The following COL8A2 variants were observed in gnomAD, a reference collection of about 807,000 sequenced individuals.
COL8A2 encodes the protein collagen alpha-2(VIII) chain.
A neutral mutation model predicts 24.0 loss-of-function variants in COL8A2; 16 were observed. The ratio of observed to expected loss-of-function variants is 0.67; its 90% CI spans 0.45 to 1.01. COL8A2 has a LOEUF of 1.01. Among genes scored for constraint, COL8A2 ranks in the 50% least tolerant of loss-of-function variants. COL8A2 has a pLI of 0.00. For missense variants in COL8A2, 818 were observed against 942.4 expected (o/e 0.87, Z 1.73); for synonymous variants, 466 against 424.5 (o/e 1.10, Z -1.20).
In COL8A2 at chr1:36,115,663, T is replaced by C. The variant is rs918234592; in HGVS notation, c.-17+45A>G. 64 of 972,112 alleles carry C rather than the reference T, an allele frequency of 6.6e-5. No homozygotes were observed. In the African/African-American group the frequency reaches 6.7e-4, roughly 10 times the overall value. The allele number at this position is 972,112 out of a possible 1,614,324, so 60.2% of individuals were successfully genotyped here. A position where few individuals can be genotyped will look rare whatever the true frequency, so the allele number is the denominator to read the frequency against. On this transcript the variant is annotated intron_variant, in intron 2 of 3. Transcript: ENST00000397799. The surrounding 1 kb of genome is among the most constrained non-coding windows in gnomAD (Gnocchi z 5.7). The stretch of plus-strand genomic sequence containing the variant: ...TAGACAGCAATGAACACAGGCCTCA[T>C]CTGGCCTGAGATATCAGAAAACCCC...
rs1210118721 is a variant in COL8A2, at chr1:36,099,507, G to A, written c.194-20C>T. 6.7e-7 allele frequency: 1 copy of A among 1,497,620 alleles called. No individual in the cohort carries two copies. The highest frequency in any genetic ancestry group is 9.0e-7 in the Non-Finnish European group (1 of 1,111,752). 92.8% of individuals were successfully genotyped at this position (1,497,620 alleles called of 1,614,324 possible). On this transcript the variant is annotated intron_variant, in intron 3 of 3. Coordinates refer to ENST00000397799, the MANE Select transcript of COL8A2 (RefSeq NM_005202.4). ...GCATTTCTGAGAAAGAAAGAGAAAG[G>A]GGCAGTCAGGGGCCTGAACTGTGGG...
chr1:36,105,964 A>AGAG (rs1397318944), intron 2 of COL8A2, among the ~76,000 whole-genome samples: 5 of 124,374 alleles, frequency 4.0e-5, no homozygotes, highest in East Asian at 6.2e-4. Context: ...AAAAAAAAAA[A>AGAG]AAAGAGAGAG....
intron 2 of COL8A2, among the ~76,000 whole-genome samples, chr1:36,101,343 C>A (rs910899682): frequency 6.6e-6 from 1 of 152,210 alleles, no homozygotes; most frequent in Non-Finnish European, 1.5e-5. Context: ...CACTTCTGGC[C>A]TTTGCGCCTG....
chr1:36,098,461 A>T lies in COL8A2; in HGVS notation c.1220T>A (p.Val407Asp), dbSNP rs1643613810. Residue 407 changes from valine (V) to aspartate (D), a missense_variant, in exon 4 of 4, where the codon GTC becomes GAC. By Grantham distance (152) the Val-to-Asp change is radical. Transcript: ENST00000397799. Reference protein sequence around the residue: ...GPSGLAGKPGVPGERGLPGAH... With the variant: ...GPSGLAGKPGDPGERGLPGAH... ...CCCAGGAAGTCCCCTCTCACCTGGG[A>T]CCCCTGGTTTCCCAGCCAGGCCACT... 2 of 1,575,722 alleles carry T rather than the reference A, an allele frequency of 1.3e-6. No homozygotes were observed. The highest frequency in any genetic ancestry group is 2.7e-5 in the African/African-American group (2 of 73,408).
rs927193180 is a variant in COL8A2, at chr1:36,123,270, T to G, written c.-62+1787A>C. Among the ~76,000 whole-genome samples, 1 of 152,194 alleles carries G rather than the reference T, an allele frequency of 6.6e-6. No homozygotes were observed. Among genetic ancestry groups the G allele is most frequent in the Non-Finnish European group, 1.5e-5 (1 of 68,024 alleles). ...GTAAGAGGTGCCCCATCCCTGCCAC[T>G]GAGAGTTCTGGAGCGGGCTGGGGGG... On this transcript the variant is annotated intron_variant, in intron 1 of 3. Coordinates refer to ENST00000397799, the MANE Select transcript of COL8A2 (RefSeq NM_005202.4). This position sits in a 1 kb window ranked among gnomAD's most constrained non-coding sequence, Gnocchi z 4.1.
rs561429435 is a variant in COL8A2, at chr1:36,098,892, C to T, written c.789G>A (p.Arg263=). The change falls in exon 4 of 4, where the codon AGG becomes AGA. Residue 263 remains arginine (R), a synonymous_variant. Transcript: ENST00000397799. ...TTGGGCCCACAGCTCCTGGCTCCCC[C>T]CTGGGGCCTGGAACTCCAGGAGGCC... is the stretch of plus-strand genomic sequence containing the variant. ...ESGPPGVPGP[R]GEPGAVGPKG... is the part of the protein sequence containing the mutation. The T allele has an allele frequency of 9.9e-6, 16 of 1,612,438 alleles. 1 individual carries two copies. The highest frequency in any genetic ancestry group is 9.9e-5 in the South Asian group (9 of 91,058).
rs190234180 is a variant in COL8A2, at chr1:36,121,857, C to T, written c.-62+3200G>A. Among the ~76,000 whole-genome samples the T allele has an allele frequency of 9.0e-4, 137 of 152,286 alleles. 2 individuals carry two copies. Among genetic ancestry groups the T allele is most frequent in the South Asian group, 4.1e-4 (2 of 4,828 alleles). On this transcript the variant is annotated intron_variant, in intron 1 of 3. Transcript: ENST00000397799. ...CTGTTTCGATTCTGCCTCTGGCTGC[C>T]GTGTGACCTCAGGTGAGTTCCCCTC...
In COL8A2 at chr1:36,123,648, G is replaced by A. The variant is rs868664701; in HGVS notation, c.-62+1409C>T. 1.3e-5 allele frequency among the ~76,000 whole-genome samples: 2 copies of A among 152,212 alleles called. No homozygotes were observed. Among genetic ancestry groups the A allele is most frequent in the Admixed American group, 6.5e-5 (1 of 15,288 alleles). Reference sequence around the variant, plus strand: ...AGTTTGGGTGTGTGTGCATGTGTCCGCCTGTGTCTTGTGGTGGTGTATGTT... The same window carrying A: ...AGTTTGGGTGTGTGTGCATGTGTCCACCTGTGTCTTGTGGTGGTGTATGTT... On this transcript the variant is annotated intron_variant, in intron 1 of 3. Transcript: ENST00000397799. This position sits in a 1 kb window ranked among gnomAD's most constrained non-coding sequence, Gnocchi z 4.1.
chr1:36,097,979 C>T lies in COL8A2; in HGVS notation c.1702G>A (p.Glu568Lys), dbSNP rs774419881. 9.3e-6 allele frequency: 15 copies of T among 1,605,474 alleles called. No individual in the cohort carries two copies. Among genetic ancestry groups the T allele is most frequent in the South Asian group, 3.3e-5 (3 of 90,726 alleles). ...KGGKPQFGLG[E>K]LSAHATPAFT... Reference sequence around the variant, plus strand: ...GCCGGTGTGGCATGGGCAGACAGCTCGCCCAGCCCAAACTGTGGCTTGCCC... The same window carrying T: ...GCCGGTGTGGCATGGGCAGACAGCTTGCCCAGCCCAAACTGTGGCTTGCCC... The change falls in exon 4 of 4, where the codon GAG becomes AAG. Residue 568 changes from glutamate to lysine, a missense_variant. Around this residue, in one of 3 missense-constraint regions of COL8A2, gnomAD observed 235 missense variants for 297.3 expected, o/e 0.79. Transcript: ENST00000397799.
At chr1:36,120,760 AAAAAT>A (rs1375572361) in intron 1 of COL8A2, among the ~76,000 whole-genome samples, 1 of 149,968 alleles carries the variant, frequency 6.7e-6, no homozygotes, top group Non-Finnish European at 1.5e-5. Flanking sequence ...AAAAAAAAAA[AAAAAT>A]AGAGAGAGAG....
chr1:36,109,356 T>C (rs1438326473), intron 2 of COL8A2, among the ~76,000 whole-genome samples: 1 of 152,154 alleles, frequency 6.6e-6, no homozygotes, highest in Non-Finnish European at 1.5e-5. Context: ...GTCTCTGTCA[T>C]CACAACAGGT....
rs546005167 is a variant in COL8A2, at chr1:36,123,693, G to A, written c.-62+1364C>T. On this transcript the variant is annotated intron_variant, in intron 1 of 3. Coordinates refer to ENST00000397799, the MANE Select transcript of COL8A2 (RefSeq NM_005202.4). The surrounding 1 kb of genome is among the most constrained non-coding windows in gnomAD (Gnocchi z 4.1). ...TATGTTTCATTAGAGGAGGGTGTCC[G>A]CATGAATCTAATGAATGTTTGGGTC... Among the ~76,000 whole-genome samples, 56 of 152,262 alleles carry A rather than the reference G, an allele frequency of 3.7e-4. No individual in the cohort carries two copies. Among genetic ancestry groups the A allele is most frequent in the African/African-American group, 1.1e-3 (46 of 41,526 alleles).
At position 36,125,124 on chromosome 1, in the gene COL8A2, C is replaced by G; in HGVS notation, c.-129G>C. The G allele has an allele frequency of 1.1e-6, 1 of 911,008 alleles. No individual in the cohort carries two copies. The highest frequency in any genetic ancestry group is 5.0e-5 in the South Asian group (1 of 19,938). 56.4% of individuals were successfully genotyped at this position (911,008 alleles called of 1,614,324 possible). ...CGGCCCGGGCGGCGAGGGCTCCGGG[C>G]AGGGGCGTCCGCGGCTGGGCGGGCG... On this transcript the variant is annotated 5_prime_UTR_variant, in exon 1 of 4. Coordinates refer to ENST00000397799, the MANE Select transcript of COL8A2 (RefSeq NM_005202.4). The surrounding 1 kb of genome is among the most constrained non-coding windows in gnomAD (Gnocchi z 4.5).
chr1:36,111,546 C>T (rs1207049338), intron 2 of COL8A2, among the ~76,000 whole-genome samples: 2 of 101,742 alleles, frequency 2.0e-5, no homozygotes, highest in African/African-American at 7.7e-5. Flanking sequence ...GATGTCTCCC[C>T]TGAGCCATTT....
intron 2 of COL8A2, among the ~76,000 whole-genome samples, chr1:36,114,947 G>C (rs546832831): frequency 1.3e-3 from 200 of 152,242 alleles, no homozygotes; most frequent in African/African-American, 4.7e-3. Context: ...TAGGTTCTCC[G>C]CTGCTTCCCT....
At chr1:36,109,003 C>T (rs1222352740) in intron 2 of COL8A2, among the ~76,000 whole-genome samples, 2 of 152,150 alleles carry the variant, frequency 1.3e-5, no homozygotes, top group African/African-American at 2.4e-5. Flanking sequence ...TGCCTCAGGA[C>T]CCCAGGCACC....
At chr1:36,124,740 G>C (rs1643938943) in intron 1 of COL8A2, among the ~76,000 whole-genome samples, 1 of 152,134 alleles carries the variant, frequency 6.6e-6, no homozygotes, top group South Asian at 2.1e-4. Flanking sequence ...CGGGAGATCG[G>C]GAGGTGGTGA....
chr1:36,111,759 A>G (rs1257209096), intron 2 of COL8A2, among the ~76,000 whole-genome samples: 1 of 152,020 alleles, frequency 6.6e-6, no homozygotes, highest in African/African-American at 2.4e-5. Flanking sequence ...CACGTTGCCC[A>G]GGCTGCTCTA....
intron 2 of COL8A2, among the ~76,000 whole-genome samples, chr1:36,106,861 C>CT (rs917573391): frequency 2.6e-5 from 4 of 152,176 alleles, no homozygotes; most frequent in Non-Finnish European, 5.9e-5. Context: ...ATCCCAGACC[C>CT]TTCCATCCTG....
Sources: gnomAD v4.1 joint callset for allele counts (sites outside exome capture counted in the v4.1 genomes callset) on GRCh38, gnomAD v4.1.1 for gene constraint, gnomAD v4.1.1 regional missense constraint, Gnocchi (gnomAD v3.1) non-coding constraint, MANE v1.5 for transcripts, NCBI Gene and HGNC (gene_info 2026-07-23, HGNC 2026-07-21) for gene names.